The following CACNA1D variants were observed in gnomAD, a reference collection of about 807,000 sequenced individuals.
CACNA1D encodes voltage-dependent L-type calcium channel subunit alpha-1D.
A neutral mutation model predicts 257.1 loss-of-function variants in CACNA1D; 55 were observed. The ratio of observed to expected loss-of-function variants is 0.21; its 90% CI spans 0.17 to 0.27. The LOEUF is 0.27. CACNA1D is among the 10% of genes least tolerant of loss of function. The pLI, the probability that CACNA1D is intolerant of heterozygous loss-of-function variation, is 1.00. For missense variants in CACNA1D, 1,876 were observed against 2,784.0 expected, an observed-to-expected ratio of 0.67 and a Z score of 7.34; for synonymous variants, 980 against 1,014.9, an observed-to-expected ratio of 0.97 and a Z score of 0.65.
intron 46 of CACNA1D, 95 bp downstream of exon 46, chr3:53,808,865 G>C: frequency 7.8e-7 from 1 of 1,278,232 alleles, no homozygotes; most frequent in Non-Finnish European, 1.1e-6. Context: ...TAAGCACCAG[G>C]AGGGAAGGAG....
At chr3:53,784,597 G>T (rs1436537657) in intron 39 of CACNA1D, among the ~76,000 whole-genome samples, 1 of 152,208 alleles carries the variant, frequency 6.6e-6, no homozygotes, top group African/African-American at 2.4e-5. Context: ...GCCTGTATTT[G>T]CTAGAAGCAT....
intron 3 of CACNA1D, among the ~76,000 whole-genome samples, chr3:53,633,872 G>A (rs2093851078): frequency 6.6e-6 from 1 of 152,156 alleles, no homozygotes; most frequent in Non-Finnish European, 1.5e-5. Context: ...ATCACAAGTT[G>A]TAGAAAGTAG....
Position 53,495,120 on chromosome 3 carries a change from C to A in CACNA1D, c.-47C>A. 1 of 1,549,098 alleles carries A rather than the reference C, an allele frequency of 6.5e-7. No individual in the cohort carries two copies. The highest frequency in any genetic ancestry group is 1.1e-5 in the South Asian group (1 of 89,714). On this transcript the variant is annotated 5_prime_UTR_variant, in exon 1 of 48. Coordinates refer to ENST00000350061, the MANE Select transcript of CACNA1D (RefSeq NM_001128840.3). This position sits in a 1 kb window ranked among gnomAD's most constrained non-coding sequence, Gnocchi z 5.1. ...CCCCATTCCGCCCCCGCCTCAACGC[C>A]CAGCACAGTGCCCTGCACACAGTAG...
intron 8 of CACNA1D, among the ~76,000 whole-genome samples, chr3:53,697,857 TG>T (rs1684503619): frequency 6.6e-6 from 1 of 152,226 alleles, no homozygotes; most frequent in Non-Finnish European, 1.5e-5. Flanking sequence ...GGTTTGTTTT[TG>T]TTTTTTGAGC....
intron 25 of CACNA1D, among the ~76,000 whole-genome samples, chr3:53,746,714 A>G (rs986470702): frequency 3.2e-4 from 48 of 152,314 alleles, no homozygotes; most frequent in African/African-American, 1.1e-3. Context: ...GCGTGAGGAC[A>G]CTGTTTCTTC....
chr3:53,563,535 A>T (rs1484737775), intron 3 of CACNA1D, among the ~76,000 whole-genome samples: 1 of 15,336 alleles, frequency 6.5e-5, no homozygotes, highest in Non-Finnish European at 2.3e-4. Context: ...CTCTGTCTCA[A>T]AAAAAAAAAA....
chr3:53,505,056 CTCTA>C (rs2090768654), intron 3 of CACNA1D, among the ~76,000 whole-genome samples: 1 of 151,428 alleles, frequency 6.6e-6, no homozygotes, highest in Non-Finnish European at 1.5e-5. Flanking sequence ...GCCCATGTCT[CTCTA>C]TCCCCTTATC....
chr3:53,778,611 C>A (rs1190806639), intron 37 of CACNA1D, among the ~76,000 whole-genome samples: 3 of 152,236 alleles, frequency 2.0e-5, no homozygotes, highest in African/African-American at 7.2e-5. Context: ...ATTTGCCTCA[C>A]ACAAAACTCT....
chr3:53,701,408 A>G (rs950054735), intron 8 of CACNA1D, among the ~76,000 whole-genome samples: 28 of 152,188 alleles, frequency 1.8e-4, no homozygotes, highest in African/African-American at 6.8e-4. Context: ...CTGGGATTAC[A>G]GGCGTGAGCC....
intron 8 of CACNA1D, among the ~76,000 whole-genome samples, chr3:53,689,951 C>T (rs941426752): frequency 9.8e-5 from 15 of 152,322 alleles, no homozygotes; most frequent in Admixed American, 9.1e-4. Flanking sequence ...TGAGCCACTG[C>T]ACCCGGCTAG....
In CACNA1D at chr3:53,497,332, G is replaced by A; in HGVS notation, c.248G>A (p.Arg83Lys). 1.2e-6 allele frequency: 2 copies of A among 1,614,124 alleles called. No homozygotes were observed. The highest frequency in any genetic ancestry group is 2.2e-5 in the South Asian group (2 of 91,078). ...APPPVGSLSQ[R>K]KRQQYAKSKK... ...CCACCTGTAGGATCTCTCTCCCAAAGAAAACGTCAGCAATACGCCAAGAGC... is the reference window on the plus strand; with the variant it reads ...CCACCTGTAGGATCTCTCTCCCAAAAAAAACGTCAGCAATACGCCAAGAGC... The change falls in exon 2 of 48, where the codon AGA (arginine) becomes AAA (lysine). Residue 83 changes from arginine (R) to lysine (K), a missense_variant. Arg to Lys is a conservative substitution (Grantham distance 26). Coordinates refer to ENST00000350061, the MANE Select transcript of CACNA1D (RefSeq NM_001128840.3).
At chr3:53,670,436 C>G (rs977043354) in intron 7 of CACNA1D, among the ~76,000 whole-genome samples, 1 of 152,250 alleles carries the variant, frequency 6.6e-6, no homozygotes, top group East Asian at 1.9e-4. Flanking sequence ...CCTCTGCCTC[C>G]GGGGTTCAAG....
intron 29 of CACNA1D, among the ~76,000 whole-genome samples, chr3:53,755,458 C>T (rs1467529686): frequency 2.0e-5 from 3 of 152,150 alleles, no homozygotes; most frequent in Admixed American, 2.0e-4. Flanking sequence ...GATCTCCAAA[C>T]CTGGGAGGAG....
At chr3:53,570,164 T>C (rs2092918341) in intron 3 of CACNA1D, among the ~76,000 whole-genome samples, 1 of 152,250 alleles carries the variant, frequency 6.6e-6, no homozygotes, top group Non-Finnish European at 1.5e-5. Context: ...TGATTTACAT[T>C]TCAACTTACA....
intron 3 of CACNA1D, among the ~76,000 whole-genome samples, chr3:53,567,552 T>C (rs888112666): frequency 2.6e-5 from 4 of 152,178 alleles, no homozygotes; most frequent in African/African-American, 9.7e-5. Flanking sequence ...TACTCCCACC[T>C]CACCAGAGGG....
intron 5 of CACNA1D, among the ~76,000 whole-genome samples, chr3:53,660,717 G>A (rs2094195478): frequency 1.3e-5 from 2 of 152,032 alleles, no homozygotes; most frequent in South Asian, 4.1e-4. Flanking sequence ...GCATCAGAGG[G>A]ATGGACTCCT....
At chr3:53,788,291 A>G (rs1256938696) in intron 40 of CACNA1D, among the ~76,000 whole-genome samples, 3 of 152,186 alleles carry the variant, frequency 2.0e-5, no homozygotes, top group African/African-American at 7.2e-5. Flanking sequence ...GCGGGTTGGC[A>G]GGTGGACCAT....
intron 3 of CACNA1D, among the ~76,000 whole-genome samples, chr3:53,646,236 T>A (rs1349654307): frequency 6.6e-6 from 1 of 152,118 alleles, no homozygotes; most frequent in Non-Finnish European, 1.5e-5. Flanking sequence ...AAGGATGAGA[T>A]CCTTAACCAA....
At chr3:53,797,237 T>G (rs2095511639) in intron 40 of CACNA1D, among the ~76,000 whole-genome samples, 1 of 152,208 alleles carries the variant, frequency 6.6e-6, no homozygotes, top group Non-Finnish European at 1.5e-5. Flanking sequence ...ATTACCATGT[T>G]TTGTGATATG....
Sources: gnomAD v4.1 joint callset for allele counts (sites outside exome capture counted in the v4.1 genomes callset) on GRCh38, gnomAD v4.1.1 for gene constraint, Gnocchi (gnomAD v3.1) non-coding constraint, MANE v1.5 for transcripts, NCBI Gene and HGNC (gene_info 2026-07-23, HGNC 2026-07-21) for gene names.